Variants in ANGPT4 observed in about 807,000 individuals in gnomAD.
ANGPT4 encodes the protein angiopoietin 4.
In ANGPT4, 50 loss-of-function variants were observed where a neutral mutation model predicts 53.0. The observed-to-expected ratio is 0.94, with a 90% CI of 0.75 to 1.20. The LOEUF (loss-of-function observed/expected upper bound fraction) is 1.20. Ranked by LOEUF, ANGPT4 falls within the 50% of genes most tolerant of loss-of-function variation. ANGPT4 has a pLI of 0.00. For missense variants in ANGPT4, 648 were observed against 637.1 expected, an observed-to-expected ratio of 1.02 and a Z score of -0.18; for synonymous variants, 251 against 259.7, an observed-to-expected ratio of 0.97 and a Z score of 0.32.
In ANGPT4 at chr20:882,083, G is replaced by A. The variant is rs554425470; in HGVS notation, c.836-797C>T. ...CCCACCCTTTTGGCTGTATCTCCCTGCTGCCCTGGGCATATGCTCCCTTAT... is the reference window on the plus strand; with the variant it reads ...CCCACCCTTTTGGCTGTATCTCCCTACTGCCCTGGGCATATGCTCCCTTAT... On this transcript the variant is annotated intron_variant, in intron 4 of 8. Transcript: ENST00000381922. Among the ~76,000 whole-genome samples the A allele has an allele frequency of 3.9e-5, 6 of 152,266 alleles. No individual in the cohort carries two copies. In the South Asian group the frequency reaches 1.2e-3, roughly 32 times the overall value.
At chr20:907,088 C>A (rs146656969) in intron 1 of ANGPT4, among the ~76,000 whole-genome samples, 1 of 152,286 alleles carries the variant, frequency 6.6e-6, no homozygotes, top group Non-Finnish European at 1.5e-5. Context: ...CTCATTGTTT[C>A]CTCCTTGCAG....
chr20:887,752 G>A (rs1981670335), intron 3 of ANGPT4, among the ~76,000 whole-genome samples: 1 of 151,908 alleles, frequency 6.6e-6, no homozygotes, highest in African/African-American at 2.4e-5. Context: ...TTGTTTCTGG[G>A]AAAGGAATCG....
chr20:896,861 G>A (rs1440682885), intron 1 of ANGPT4, among the ~76,000 whole-genome samples: 1 of 152,156 alleles, frequency 6.6e-6, no homozygotes, highest in Non-Finnish European at 1.5e-5. Flanking sequence ...GTATGTCTGG[G>A]CCATATCTTA....
At chr20:891,105 C>T (rs1303589510) in intron 1 of ANGPT4, among the ~76,000 whole-genome samples, 1 of 152,222 alleles carries the variant, frequency 6.6e-6, no homozygotes, top group Admixed American at 6.5e-5. Flanking sequence ...ACAGTGAGTG[C>T]TCATAAATGC....
intron 1 of ANGPT4, among the ~76,000 whole-genome samples, chr20:895,071 G>A (rs1340568831): frequency 1.3e-5 from 2 of 152,222 alleles, no homozygotes; most frequent in African/African-American, 2.4e-5. Flanking sequence ...GGGCTCTGGA[G>A]ACTAATATTG....
At chr20:913,388 G>A (rs142639493) in intron 1 of ANGPT4, among the ~76,000 whole-genome samples, 20 of 152,248 alleles carry the variant, frequency 1.3e-4, no homozygotes, top group African/African-American at 1.7e-4. Context: ...AAGGGAGACC[G>A]AAACCTGCTC....
intron 1 of ANGPT4, among the ~76,000 whole-genome samples, chr20:900,956 C>T (rs1429330084): frequency 3.3e-5 from 5 of 152,170 alleles, no homozygotes; most frequent in Non-Finnish European, 4.4e-5. Flanking sequence ...CAGGCCATCA[C>T]CAATCATTCT....
rs1980915417 is a variant in ANGPT4 at position 870,863 on chromosome 20, C to T, written c.*2097G>A. 1.3e-5 allele frequency: 2 copies of T among 152,244 alleles called. 1 individual carries two copies. The highest frequency in any genetic ancestry group is 4.1e-4 in the South Asian group (2 of 4,834). The allele number at this position is 152,244 out of a possible 1,614,324, so 9.4% of individuals were successfully genotyped here. A position where few individuals can be genotyped will look rare whatever the true frequency, so the allele number is the denominator to read the frequency against. On this transcript the variant is annotated 3_prime_UTR_variant, in exon 9 of 9. Transcript: ENST00000381922. Reference sequence around the variant, plus strand: ...TATTAGGCACCTGCTTCATGCCAGGCTCTATTAAGAAGATGACATACATGG... The same window carrying T: ...TATTAGGCACCTGCTTCATGCCAGGTTCTATTAAGAAGATGACATACATGG...
intron 1 of ANGPT4, among the ~76,000 whole-genome samples, chr20:902,828 C>T (rs1982338477): frequency 6.6e-6 from 1 of 152,146 alleles, no homozygotes; most frequent in Non-Finnish European, 1.5e-5. Context: ...CCCCAGTAGG[C>T]TACCAACTCT....
intron 5 of ANGPT4, among the ~76,000 whole-genome samples, chr20:880,524 G>A (rs1056496753): frequency 2.0e-5 from 3 of 152,014 alleles, no homozygotes; most frequent in Non-Finnish European, 4.4e-5. Context: ...GGAGGTCAAG[G>A]CTGCAGTGAG....
At chr20:888,175 C>T in intron 3 of ANGPT4, 143 bp downstream of exon 3, 8 of 1,152,750 alleles carry the variant, frequency 6.9e-6, no homozygotes, top group Non-Finnish European at 9.5e-6. Context: ...GCTGCAGGCC[C>T]TATCCCAGAC....
intron 6 of ANGPT4, among the ~76,000 whole-genome samples, chr20:878,699 G>T (rs2122766243): frequency 6.6e-6 from 1 of 152,184 alleles, no homozygotes; most frequent in East Asian, 1.9e-4. Context: ...TGGTCACGTG[G>T]TTAAATACAT....
rs1378485349 is a variant in ANGPT4, at chr20:885,327, T to C, written c.588-2A>G. On this transcript the variant is annotated splice_acceptor_variant, in intron 3 of 8. Coordinates refer to ENST00000381922, the MANE Select transcript of ANGPT4 (RefSeq NM_015985.4). LOFTEE classifies it high-confidence loss of function. ...GCCTGCAACCGCTTCTCGAGCGCGCTGCGGGGTAGGGGGCGCACAGAGGTG... is the reference window on the plus strand; with the variant it reads ...GCCTGCAACCGCTTCTCGAGCGCGCCGCGGGGTAGGGGGCGCACAGAGGTG... 1.3e-6 allele frequency: 2 copies of C among 1,577,622 alleles called. No individual in the cohort carries two copies. The highest frequency in any genetic ancestry group is 3.5e-5 in the Admixed American group (2 of 57,608).
rs1026247076 is a variant in ANGPT4 at position 914,563 on chromosome 20, G to GGGCAGCCAGGAC, written c.309+1331_309+1342dup. 6.6e-6 allele frequency among the ~76,000 whole-genome samples: 1 copy of GGGCAGCCAGGAC among 152,052 alleles called. No individual in the cohort carries two copies. Among genetic ancestry groups the GGGCAGCCAGGAC allele is most frequent in the Non-Finnish European group, 1.5e-5 (1 of 67,996 alleles). On this transcript the variant is annotated intron_variant, in intron 1 of 8. Coordinates refer to ENST00000381922, the MANE Select transcript of ANGPT4 (RefSeq NM_015985.4). This position sits in a 1 kb window ranked among gnomAD's most constrained non-coding sequence, Gnocchi z 5.0. ...GCCGAGTGTTAGCAGGGAGCCAGGG[G>GGGCAGCCAGGAC]GGCAGCCAGGACAGCTATCCTGCCT... is the stretch of plus-strand genomic sequence containing the variant.
At chr20:894,015 G>T (rs1981950195) in intron 1 of ANGPT4, among the ~76,000 whole-genome samples, 1 of 151,556 alleles carries the variant, frequency 6.6e-6, no homozygotes, top group Non-Finnish European at 1.5e-5. Flanking sequence ...TTAATAGCAT[G>T]AAATAGAGTG....
rs1982832950 is a variant in ANGPT4, at chr20:914,316, G to T, written c.309+1590C>A. Among the ~76,000 whole-genome samples the T allele has an allele frequency of 6.6e-6, 1 of 152,156 alleles. No individual in the cohort carries two copies. The highest frequency in any genetic ancestry group is 6.5e-5 in the Admixed American group (1 of 15,284). On this transcript the variant is annotated intron_variant, in intron 1 of 8. Coordinates refer to ENST00000381922, the MANE Select transcript of ANGPT4 (RefSeq NM_015985.4). The surrounding 1 kb of genome is among the most constrained non-coding windows in gnomAD (Gnocchi z 5.0). ...GGACAAAGGGTGGAAGAGGAAGGTG[G>T]TTATTTCGTACGGGGAGGACAAGGA... is the stretch of plus-strand genomic sequence containing the variant.
intron 3 of ANGPT4, among the ~76,000 whole-genome samples, chr20:886,093 C>T (rs755808342): frequency 1.3e-5 from 2 of 152,006 alleles, no homozygotes; most frequent in Non-Finnish European, 1.5e-5. Context: ...TCCTGTTGTC[C>T]GATGATATTA....
chr20:914,103 C>T lies in ANGPT4; in HGVS notation c.309+1803G>A, dbSNP rs563044981. ...GGACATTTATGCATTCATGCATTCA[C>T]TCATGCTACAGACATTTATTGAGTA... On this transcript the variant is annotated intron_variant, in intron 1 of 8. Coordinates refer to ENST00000381922, the MANE Select transcript of ANGPT4 (RefSeq NM_015985.4). This position sits in a 1 kb window ranked among gnomAD's most constrained non-coding sequence, Gnocchi z 5.0. Among the ~76,000 whole-genome samples the T allele has an allele frequency of 2.6e-5, 4 of 152,300 alleles. No individual in the cohort carries two copies. Among genetic ancestry groups the T allele is most frequent in the African/African-American group, 9.6e-5 (4 of 41,550 alleles).
chr20:913,669 TGA>T (rs1294776262), intron 1 of ANGPT4, among the ~76,000 whole-genome samples: 1 of 152,112 alleles, frequency 6.6e-6, no homozygotes, highest in Admixed American at 6.5e-5. Context: ...CAAAGATGGA[TGA>T]GAGTGAGAGG....
Sources: gnomAD v4.1 joint callset for allele counts (sites outside exome capture counted in the v4.1 genomes callset) on GRCh38, gnomAD v4.1.1 for gene constraint, Gnocchi (gnomAD v3.1) non-coding constraint, MANE v1.5 for transcripts, NCBI Gene and HGNC (gene_info 2026-07-23, HGNC 2026-07-21) for gene names.